Variants in ARSB observed in about 807,000 individuals in gnomAD.
The protein encoded by ARSB is arylsulfatase B, also known as N-acetylgalactosamine-4-sulfatase.
ARSB carries 41 observed loss-of-function variants against 50.9 expected under a neutral mutation model. The observed-to-expected ratio is 0.81, with a 90% CI of 0.63 to 1.04. The LOEUF (loss-of-function observed/expected upper bound fraction) is 1.04, where lower values mean the gene tolerates loss of function less well. Ranked by LOEUF, ARSB falls within the 50% of genes least tolerant of loss-of-function variation. The probability of loss-of-function intolerance (pLI) is 0.00; values close to 1 mark genes in which losing one functional copy is unlikely to be tolerated. For missense variants in ARSB, 672 were observed against 693.3 expected (o/e 0.97, Z 0.35); for synonymous variants, 269 against 284.8 (o/e 0.94, Z 0.56).
intron 4 of ARSB, among the ~76,000 whole-genome samples, chr5:78,927,314 C>T (rs1750100492): frequency 2.6e-5 from 4 of 152,174 alleles, no homozygotes; most frequent in African/African-American, 4.8e-5. Context: ...ACCCTTACAG[C>T]ACATCTCAAT....
At chr5:78,850,292 C>A (rs1381657520) in intron 5 of ARSB, among the ~76,000 whole-genome samples, 3 of 152,148 alleles carry the variant, frequency 2.0e-5, no homozygotes, top group Admixed American at 2.0e-4. Context: ...TTGTCAAAGG[C>A]CTTTTCTGCA....
chr5:78,982,620 A>G (rs1752956019), intron 1 of ARSB, among the ~76,000 whole-genome samples: 1 of 152,230 alleles, frequency 6.6e-6, no homozygotes, highest in Admixed American at 6.5e-5. Flanking sequence ...TTCCAGCATC[A>G]GTTTCCTTGT....
intron 6 of ARSB, among the ~76,000 whole-genome samples, chr5:78,819,672 T>C (rs1042605651): frequency 8.5e-5 from 13 of 152,210 alleles, no homozygotes; most frequent in Admixed American, 6.5e-4. Context: ...GCTGGGACCT[T>C]CCACAGTTCG....
chr5:78,970,671 G>A (rs1485081440), intron 1 of ARSB, among the ~76,000 whole-genome samples: 1 of 152,094 alleles, frequency 6.6e-6, no homozygotes, highest in African/African-American at 2.4e-5. Flanking sequence ...AAGCTTCTCT[G>A]GGCCAGGCGG....
intron 6 of ARSB, chr5:78,815,420 A>G (rs1743952514): frequency 1.7e-6 from 1 of 574,174 alleles, no homozygotes; most frequent in African/African-American, 2.1e-5. Flanking sequence ...GCAGGCCACA[A>G]AGACAAATTA....
intron 4 of ARSB, among the ~76,000 whole-genome samples, chr5:78,921,225 T>C (rs1749799028): frequency 6.6e-6 from 1 of 152,138 alleles, no homozygotes; most frequent in South Asian, 2.1e-4. Context: ...CAAGTCTCAC[T>C]CTCCAATGAC....
At chr5:78,785,698 C>T (rs1749060933) in intron 6 of ARSB, among the ~76,000 whole-genome samples, 2 of 152,176 alleles carry the variant, frequency 1.3e-5, no homozygotes, top group Non-Finnish European at 2.9e-5. Flanking sequence ...GATAATGGTT[C>T]CTCAAAATGT....
chr5:78,815,736 T>G, intron 6 of ARSB: 1 of 1,135,194 alleles, frequency 8.8e-7, no homozygotes, highest in Non-Finnish European at 1.1e-6. Context: ...TGCATTTTAT[T>G]TCCACAAGGA....
intron 6 of ARSB, among the ~76,000 whole-genome samples, chr5:78,833,940 A>T (rs1744809157): frequency 6.6e-6 from 1 of 152,222 alleles, no homozygotes; most frequent in African/African-American, 2.4e-5. Flanking sequence ...CTTCTAAGTT[A>T]TTTTTACTTA....
At chr5:78,804,114 A>G (rs940071507) in intron 6 of ARSB, among the ~76,000 whole-genome samples, 1 of 152,216 alleles carries the variant, frequency 6.6e-6, no homozygotes, top group Non-Finnish European at 1.5e-5. Context: ...CATAAGACAC[A>G]GGCACAGTGA....
intron 6 of ARSB, among the ~76,000 whole-genome samples, chr5:78,819,243 A>G (rs1212017700): frequency 6.6e-6 from 1 of 152,130 alleles, no homozygotes; most frequent in South Asian, 2.1e-4. Context: ...GGGTAGGGGA[A>G]GGAAGCTCCG....
At chr5:78,794,587 A>G (rs2112636205) in intron 6 of ARSB, among the ~76,000 whole-genome samples, 1 of 152,290 alleles carries the variant, frequency 6.6e-6, no homozygotes, top group Middle Eastern at 3.4e-3. Flanking sequence ...GTTGGGGAGA[A>G]AGGCAAAGGG....
At chr5:78,954,823 C>A (rs1398977763) in intron 4 of ARSB, among the ~76,000 whole-genome samples, 2 of 152,090 alleles carry the variant, frequency 1.3e-5, no homozygotes, top group Non-Finnish European at 2.9e-5. Context: ...AATTTTAATA[C>A]CAAAAAAATC....
chr5:78,945,293 ACTGT>A (rs759181451), intron 4 of ARSB, among the ~76,000 whole-genome samples: 15 of 152,108 alleles, frequency 9.9e-5, no homozygotes, highest in Non-Finnish European at 2.2e-4. Flanking sequence ...TCCTGCACCC[ACTGT>A]CCAACAATCC....
chr5:78,838,672 GC>G (rs1014140056), intron 6 of ARSB, among the ~76,000 whole-genome samples: 4 of 152,198 alleles, frequency 2.6e-5, no homozygotes, highest in African/African-American at 9.7e-5. Flanking sequence ...GGGTCTAATT[GC>G]TAAGGCTTTC....
intron 4 of ARSB, among the ~76,000 whole-genome samples, chr5:78,904,132 A>G (rs1247066519): frequency 6.6e-6 from 1 of 152,230 alleles, no homozygotes; most frequent in African/African-American, 2.4e-5. Flanking sequence ...TGCATTCAGC[A>G]TAATGCATTT....
At chr5:78,801,193 T>A (rs144046879) in intron 6 of ARSB, among the ~76,000 whole-genome samples, 2 of 152,198 alleles carry the variant, frequency 1.3e-5, no homozygotes, top group Non-Finnish European at 2.9e-5. Flanking sequence ...TGATTACTAA[T>A]TAAGTTTCTA....
intron 6 of ARSB, among the ~76,000 whole-genome samples, chr5:78,828,590 T>A (rs1744538664): frequency 6.6e-6 from 1 of 152,234 alleles, no homozygotes. Context: ...GTACAACTTG[T>A]AACGTCTCTA....
At position 78,960,269 on chromosome 5, in the gene ARSB, A is replaced by G. The variant is rs1406984865; in HGVS notation, c.690+4147T>C. Among the ~76,000 whole-genome samples, 6 of 152,198 alleles carry G rather than the reference A, an allele frequency of 3.9e-5. No homozygotes were observed. In the East Asian group the frequency reaches 1.2e-3, roughly 29 times the overall value. ...TTATGCTACATGGTTCCTAAGATAT[A>G]TACTGTAAATATCCTCACCATGCTA... On this transcript the variant is annotated intron_variant, in intron 3 of 7. Transcript: ENST00000264914.
Sources: allele counts gnomAD v4.1 joint callset (sites outside exome capture counted in the v4.1 genomes callset), GRCh38; gene constraint gnomAD v4.1.1; transcripts MANE v1.5; gene names NCBI Gene and HGNC (gene_info 2026-07-23, HGNC 2026-07-21).